Variants in PLA2G4D observed in about 807,000 individuals in gnomAD.
PLA2G4D encodes cytosolic phospholipase A2 delta.
PLA2G4D carries 80 observed loss-of-function variants against 94.4 expected under a neutral mutation model. The ratio of observed to expected loss-of-function variants is 0.85; its 90% CI spans 0.71 to 1.02. The LOEUF is 1.02. PLA2G4D is among the 50% of genes least tolerant of loss of function. The pLI is 0.00. For missense variants in PLA2G4D, 1,050 were observed against 1,034.7 expected (o/e 1.01, Z -0.20); for synonymous variants, 438 against 440.9 (o/e 0.99, Z 0.08).
intron 8 of PLA2G4D, 109 bp from the exon 9 acceptor site, chr15:42,082,498 T>G: frequency 3.3e-6 from 2 of 615,228 alleles, no homozygotes; most frequent in Non-Finnish European, 5.6e-6. Context: ...TACAGAATAT[T>G]ATAATATTGA....
In PLA2G4D at chr15:42,081,256, G is replaced by C. The variant is rs1890031919; in HGVS notation, c.958-123C>G. Reference sequence around the variant, plus strand: ...GACCGCATAGTTGGGTCCTGATAGAGTCAGGGTTAGAGCTGGGTCCAGCCC... The same window carrying C: ...GACCGCATAGTTGGGTCCTGATAGACTCAGGGTTAGAGCTGGGTCCAGCCC... On this transcript the variant is annotated intron_variant, in intron 11 of 19. Coordinates refer to ENST00000290472, the MANE Select transcript of PLA2G4D (RefSeq NM_178034.4). 2.7e-6 allele frequency: 4 copies of C among 1,472,502 alleles called. No individual in the cohort carries two copies. The African/African-American group carries it at 5.6e-5, about 21-fold the overall frequency. The allele number at this position is 1,472,502 out of a possible 1,614,324, so 91.2% of individuals were successfully genotyped here. A position where few individuals can be genotyped will look rare whatever the true frequency, so the allele number is the denominator to read the frequency against.
intron 13 of PLA2G4D, among the ~76,000 whole-genome samples, chr15:42,074,190 C>T (rs1376364486): frequency 3.3e-5 from 5 of 152,176 alleles, no homozygotes; most frequent in African/African-American, 1.2e-4. Flanking sequence ...GGTCAGCACA[C>T]CCCTCCATCT....
intron 9 of PLA2G4D, among the ~76,000 whole-genome samples, 180 bp from the exon 10 acceptor site, chr15:42,082,014 C>T (rs923291511): frequency 6.6e-6 from 1 of 150,904 alleles, no homozygotes; most frequent in Admixed American, 6.6e-5. Context: ...TCAATGCAAC[C>T]TCCGCCTCCT....
intron 1 of PLA2G4D, among the ~76,000 whole-genome samples, chr15:42,092,154 C>G (rs1890256795): frequency 6.6e-6 from 1 of 152,166 alleles, no homozygotes; most frequent in Admixed American, 6.5e-5. Flanking sequence ...GGTCCCTACA[C>G]TACTGTAACT....
intron 13 of PLA2G4D, among the ~76,000 whole-genome samples, chr15:42,073,843 C>T (rs1889872149): frequency 6.6e-6 from 1 of 152,232 alleles, no homozygotes; most frequent in African/African-American, 2.4e-5. Flanking sequence ...AAACTCAACA[C>T]ACCCAGTGTG....
intron 8 of PLA2G4D, 33 bp downstream of exon 8, chr15:42,083,165 G>A: frequency 6.2e-7 from 1 of 1,601,620 alleles, no homozygotes; most frequent in African/African-American, 1.3e-5. Context: ...CCCAAGCCTA[G>A]GATTGCAAAC....
chr15:42,090,666 A>G (rs7165458), intron 1 of PLA2G4D, among the ~76,000 whole-genome samples: 12,342 of 152,176 alleles, frequency 0.081, 584 homozygotes, highest in Middle Eastern at 0.14. Flanking sequence ...TGCCGGCTGG[A>G]GGTGAGGCAG....
chr15:42,090,631 G>C (rs908421890), intron 1 of PLA2G4D, among the ~76,000 whole-genome samples: 4 of 152,202 alleles, frequency 2.6e-5, no homozygotes, highest in Non-Finnish European at 2.9e-5. Flanking sequence ...CACAGCCCCT[G>C]GTCCTGGGGA....
intron 12 of PLA2G4D, among the ~76,000 whole-genome samples, chr15:42,080,436 G>A (rs1890015941): frequency 6.6e-6 from 1 of 152,210 alleles, no homozygotes; most frequent in Non-Finnish European, 1.5e-5. Flanking sequence ...GGGAGGTAAT[G>A]CTAGCTTTAG....
At chr15:42,083,379 A>G (rs766211542) in intron 7 of PLA2G4D, 45 bp from the exon 8 acceptor site, 1 of 1,580,112 alleles carries the variant, frequency 6.3e-7, no homozygotes, top group East Asian at 2.2e-5. Flanking sequence ...AGAGCCCGGA[A>G]CCCCAGCTCG....
intron 12 of PLA2G4D, among the ~76,000 whole-genome samples, chr15:42,080,415 G>A (rs902434872): frequency 6.6e-6 from 1 of 152,220 alleles, no homozygotes; most frequent in Non-Finnish European, 1.5e-5. Context: ...ATGCTGCGGG[G>A]TGAGGGCGTA....
chr15:42,080,673 C>G (rs1311217515), intron 12 of PLA2G4D, among the ~76,000 whole-genome samples: 2 of 152,190 alleles, frequency 1.3e-5, no homozygotes, highest in Admixed American at 6.5e-5. Flanking sequence ...TTTGGAGCTG[C>G]ATCAACTGAG....
intron 12 of PLA2G4D, among the ~76,000 whole-genome samples, chr15:42,080,404 C>T (rs1053310689): frequency 6.6e-6 from 1 of 152,208 alleles, no homozygotes; most frequent in Non-Finnish European, 1.5e-5. Context: ...TGCACCTCGT[C>T]ATGCTGCGGG....
rs746257962 is a variant in PLA2G4D, at chr15:42,083,791, C to T, written c.472-12G>A. ...GACAGCTCTCGGGCCTGGGGAAGAC[C>T]ACATCATGGGCAGGGGCCTCTGCAG... On this transcript the variant is annotated splice_polypyrimidine_tract_variant and intron_variant, in intron 6 of 19. Coordinates refer to ENST00000290472, the MANE Select transcript of PLA2G4D (RefSeq NM_178034.4). 4.3e-6 allele frequency: 7 copies of T among 1,613,264 alleles called. No individual in the cohort carries two copies. In the East Asian group the frequency reaches 8.9e-5, roughly 21 times the overall value.
chr15:42,088,503 C>T (rs1294147267), intron 1 of PLA2G4D, among the ~76,000 whole-genome samples: 1 of 152,194 alleles, frequency 6.6e-6, no homozygotes, highest in African/African-American at 2.4e-5. Flanking sequence ...CTGCTGAGGT[C>T]CCCGGCACTG....
In PLA2G4D at chr15:42,084,142, A is replaced by C; in HGVS notation, c.472-363T>G. The C allele has an allele frequency of 4.2e-6, 1 of 235,476 alleles. No homozygotes were observed. The highest frequency in any genetic ancestry group is 8.5e-6 in the Non-Finnish European group (1 of 118,254). 14.6% of individuals were successfully genotyped at this position (235,476 alleles called of 1,614,324 possible). Reference sequence around the variant, plus strand: ...TACCACAACTCCAAATAATCTAAGCAAGCCGCCCATCCATAGGAGGGTAGA... The same window carrying C: ...TACCACAACTCCAAATAATCTAAGCCAGCCGCCCATCCATAGGAGGGTAGA... On this transcript the variant is annotated intron_variant, in intron 6 of 19. Transcript: ENST00000290472. This position sits in a 1 kb window ranked among gnomAD's most constrained non-coding sequence, Gnocchi z 4.8.
In PLA2G4D at chr15:42,075,366, T is replaced by C. The variant is rs530288124; in HGVS notation, c.1318-2974A>G. 1.1e-4 allele frequency among the ~76,000 whole-genome samples: 16 copies of C among 152,346 alleles called. No homozygotes were observed. The South Asian group carries it at 3.1e-3, about 30-fold the overall frequency. On this transcript the variant is annotated intron_variant, in intron 13 of 19. Coordinates refer to ENST00000290472, the MANE Select transcript of PLA2G4D (RefSeq NM_178034.4). ...TGAACTGTTAAAACAGCTTCTCCCA[T>C]TCTGTAGTAACTAATTGCTGCCACT...
intron 1 of PLA2G4D, among the ~76,000 whole-genome samples, chr15:42,091,138 A>T (rs1238479219): frequency 6.6e-6 from 1 of 152,202 alleles, no homozygotes; most frequent in African/African-American, 2.4e-5. Context: ...TGTACTAACC[A>T]TATTACCTAC....
At position 42,093,507 on chromosome 15, in the gene PLA2G4D, C is replaced by T. The variant is rs868148662; in HGVS notation, c.45+908G>A. On this transcript the variant is annotated intron_variant, in intron 1 of 19. Coordinates refer to ENST00000290472, the MANE Select transcript of PLA2G4D (RefSeq NM_178034.4). ...GCCAGCCCCTCCACTGGCCTGCATC[C>T]GTGGACTCCCCCGCATCCAAATGTC... Among the ~76,000 whole-genome samples the T allele has an allele frequency of 7.9e-5, 12 of 152,190 alleles. No individual in the cohort carries two copies. The South Asian group carries it at 1.9e-3, about 24-fold the overall frequency.
Sources: gnomAD v4.1 joint callset for allele counts (sites outside exome capture counted in the v4.1 genomes callset) on GRCh38, gnomAD v4.1.1 for gene constraint, Gnocchi (gnomAD v3.1) non-coding constraint, MANE v1.5 for transcripts, NCBI Gene and HGNC (gene_info 2026-07-23, HGNC 2026-07-21) for gene names.